TVP23A: variants seen among roughly 807,000 people sequenced by gnomAD.
TVP23A encodes trans-golgi network vesicle protein 23 homolog A.
In TVP23A, 21 loss-of-function variants were observed where a neutral mutation model predicts 31.7. The observed-to-expected ratio is 0.66, with a 90% CI of 0.47 to 0.95. The LOEUF is 0.95. Ranked by LOEUF, TVP23A falls within the 40% of genes least tolerant of loss-of-function variation. The pLI is 0.00. For missense variants in TVP23A, 279 were observed against 255.6 expected (o/e 1.09, Z -0.62); for synonymous variants, 104 against 96.0 (o/e 1.08, Z -0.49).
chr16:10,759,588 A>C (rs1900798634), downstream of TVP23A, among the ~76,000 whole-genome samples: 1 of 152,188 alleles, frequency 6.6e-6, no homozygotes, highest in African/African-American at 2.4e-5. This position sits in a 1 kb window ranked among gnomAD's most constrained non-coding sequence, Gnocchi z 4.7. Flanking sequence ...AGACTGGCCA[A>C]TATGGCAAAA....
chr16:10,814,690 A>G (rs1048285602), intron 2 of TVP23A, among the ~76,000 whole-genome samples: 1 of 152,220 alleles, frequency 6.6e-6, no homozygotes, highest in Non-Finnish European at 1.5e-5. Context: ...ATTTACATTC[A>G]AATTAATTAA....
chr16:10,789,159 C>G (rs2032947804), intron 2 of TVP23A, among the ~76,000 whole-genome samples: 1 of 152,110 alleles, frequency 6.6e-6, no homozygotes, highest in Admixed American at 6.5e-5. Flanking sequence ...CAGATGATGC[C>G]CTCCTGGTAG....
intron 2 of TVP23A, among the ~76,000 whole-genome samples, chr16:10,798,096 C>G (rs1382115907): frequency 1.3e-5 from 2 of 151,304 alleles, no homozygotes; most frequent in African/African-American, 4.9e-5. Flanking sequence ...GCTGGGACTA[C>G]AGGCACCTGC....
intron 2 of TVP23A, among the ~76,000 whole-genome samples, chr16:10,806,066 A>G (rs2033927944): frequency 6.6e-6 from 1 of 152,176 alleles, no homozygotes; most frequent in East Asian, 1.9e-4. Flanking sequence ...ATTCGGCCGG[A>G]TGCGGTGGCT....
chr16:10,801,503 C>G (rs973019084), intron 2 of TVP23A, among the ~76,000 whole-genome samples: 1 of 152,084 alleles, frequency 6.6e-6, no homozygotes, highest in African/African-American at 2.4e-5. Flanking sequence ...GTCACCCAGG[C>G]TGGAGTGCAG....
At chr16:10,798,776 G>T (rs539812472) in intron 2 of TVP23A, among the ~76,000 whole-genome samples, 1 of 152,236 alleles carries the variant, frequency 6.6e-6, no homozygotes, top group Non-Finnish European at 1.5e-5. Flanking sequence ...TGATTCTCCT[G>T]CCTCAGCCTC....
At chr16:10,757,936 C>T (rs1456262457), downstream of TVP23A, 2 of 1,613,980 alleles carry the variant, frequency 1.2e-6, no homozygotes, top group African/African-American at 1.3e-5. This position sits in a 1 kb window ranked among gnomAD's most constrained non-coding sequence, Gnocchi z 4.1. Context: ...ATTGTGGACA[C>T]CCCACCTGGG....
At chr16:10,762,468 G>A (rs1346812437), downstream of TVP23A, among the ~76,000 whole-genome samples, 1 of 152,182 alleles carries the variant, frequency 6.6e-6, no homozygotes, top group Non-Finnish European at 1.5e-5. Context: ...ACGCCCGCCG[G>A]GCGCCCACTC....
At chr16:10,800,008 CTTT>C (rs76396691) in intron 2 of TVP23A, among the ~76,000 whole-genome samples, 2 of 57,410 alleles carry the variant, frequency 3.5e-5, no homozygotes, top group Non-Finnish European at 3.5e-5. Context: ...GAGTGGGGTT[CTTT>C]TTTTTTTTTT....
At position 10,768,246 on chromosome 16, in the gene TVP23A, T is replaced by G. The variant is rs964209765; in HGVS notation, c.*856A>C. On this transcript the variant is annotated 3_prime_UTR_variant, in exon 8 of 8. Transcript: ENST00000299866. This position sits in a 1 kb window ranked among gnomAD's most constrained non-coding sequence, Gnocchi z 4.3. ...TTAAAAAACATGGTGAGGGTGAAAT[T>G]TATGGCTTAGGAAATACATCCCAAT... is the stretch of plus-strand genomic sequence containing the variant. 2 of 431,334 alleles carry G rather than the reference T, an allele frequency of 4.6e-6. No individual in the cohort carries two copies. Among genetic ancestry groups the G allele is most frequent in the East Asian group, 3.7e-5 (1 of 27,168 alleles). The allele number at this position is 431,334 out of a possible 1,614,324, so 26.7% of individuals were successfully genotyped here.
intron 2 of TVP23A, among the ~76,000 whole-genome samples, chr16:10,800,008 CTTTTTTTTTT>C (rs76396691): frequency 5.2e-5 from 3 of 57,412 alleles, no homozygotes; most frequent in African/African-American, 1.4e-4. Flanking sequence ...GAGTGGGGTT[CTTTTTTTTTT>C]TTTTTTTTTT....
exon 9 of TVP23A, chr16:10,761,412 G>T (rs755240224): frequency 1.2e-6 from 2 of 1,614,178 alleles, no homozygotes; most frequent in East Asian, 4.5e-5. Context: ...CTGCCGCAAG[G>T]TGAAGCTGCC....
chr16:10,769,979 G>GT (rs2031439754), intron 7 of TVP23A, among the ~76,000 whole-genome samples: 1 of 152,174 alleles, frequency 6.6e-6, no homozygotes, highest in Admixed American at 6.5e-5. Context: ...TCCCTCCCTT[G>GT]TCTCTTCCCT....
rs1596501105 is a variant in TVP23A at position 10,775,202 on chromosome 16, G to A, written c.90-106C>T. The stretch of plus-strand genomic sequence containing the variant: ...GCTGGGGGTGTTAGCGTGGCTCAAT[G>A]GAATGTTCTCCCCGGTGCATATGAC... On this transcript the variant is annotated intron_variant, in intron 2 of 7. Transcript: ENST00000299866. 6.0e-6 allele frequency: 9 copies of A among 1,487,866 alleles called. No homozygotes were observed. The East Asian group carries it at 2.0e-4, about 33-fold the overall frequency. 92.2% of individuals were successfully genotyped at this position (1,487,866 alleles called of 1,614,324 possible).
At chr16:10,758,107 C>G (rs1037654946), downstream of TVP23A, 3 of 1,503,186 alleles carry the variant, frequency 2.0e-6, no homozygotes, top group Non-Finnish European at 2.7e-6. Context: ...CTCTGATACT[C>G]TGGTCTCACC....
intron 2 of TVP23A, among the ~76,000 whole-genome samples, chr16:10,817,276 G>C (rs1041405040): frequency 6.6e-6 from 1 of 152,206 alleles, no homozygotes; most frequent in Admixed American, 6.5e-5. Flanking sequence ...ACTTTCTGGG[G>C]TTTATTAGGT....
At chr16:10,772,482 G>C (rs2031700105) in intron 5 of TVP23A, among the ~76,000 whole-genome samples, 1 of 151,716 alleles carries the variant, frequency 6.6e-6, no homozygotes. Context: ...CGATTCTCCT[G>C]CCTCAGCCTC....
chr16:10,802,355 C>G (rs1460958785), intron 2 of TVP23A, among the ~76,000 whole-genome samples: 1 of 151,030 alleles, frequency 6.6e-6, no homozygotes, highest in African/African-American at 2.4e-5. Context: ...TCTCGGCTCA[C>G]TGCAACCTCT....
At chr16:10,791,661 G>A (rs1389415086) in intron 2 of TVP23A, among the ~76,000 whole-genome samples, 1 of 152,224 alleles carries the variant, frequency 6.6e-6, no homozygotes, top group Non-Finnish European at 1.5e-5. Context: ...AGGCTGGAGT[G>A]CAGTGGCACA....
Sources: gnomAD v4.1 joint callset for allele counts (sites outside exome capture counted in the v4.1 genomes callset) on GRCh38, gnomAD v4.1.1 for gene constraint, Gnocchi (gnomAD v3.1) non-coding constraint, MANE v1.5 for transcripts, NCBI Gene and HGNC (gene_info 2026-07-23, HGNC 2026-07-21) for gene names.